CCDC136: variants seen among roughly 807,000 people sequenced by gnomAD.
CCDC136 encodes the protein coiled-coil domain containing 136, also known as coiled-coil domain-containing protein 136.
CCDC136 carries 100 observed loss-of-function variants against 141.2 expected under a neutral mutation model. That is an observed-to-expected ratio of 0.71 (90% CI 0.60 to 0.84). The LOEUF (loss-of-function observed/expected upper bound fraction) is 0.84. Ranked by LOEUF, CCDC136 falls within the 40% of genes least tolerant of loss-of-function variation. The pLI, the probability that CCDC136 is intolerant of heterozygous loss-of-function variation, is 0.00. For missense variants in CCDC136, 1,206 were observed against 1,379.4 expected (o/e 0.87, Z 1.99); for synonymous variants, 474 against 531.9 (o/e 0.89, Z 1.50).
chr7:128,798,778 C>CAG (rs1164191791), intron 3 of CCDC136, among the ~76,000 whole-genome samples: 1 of 152,080 alleles, frequency 6.6e-6, no homozygotes, highest in African/African-American at 2.4e-5. Context: ...AATAGGAAGT[C>CAG]AGAGAATCTA....
rs1172155816 is a variant in CCDC136, at chr7:128,821,875, G to A, written c.*82G>A. 2 of 1,289,976 alleles carry A rather than the reference G, an allele frequency of 1.6e-6. No homozygotes were observed. The highest frequency in any genetic ancestry group is 2.0e-6 in the Non-Finnish European group (2 of 988,940). 79.9% of individuals were successfully genotyped at this position (1,289,976 alleles called of 1,614,324 possible). A position where few individuals can be genotyped will look rare whatever the true frequency, so the allele number is the denominator to read the frequency against. On this transcript the variant is annotated 3_prime_UTR_variant, in exon 18 of 18. Coordinates refer to ENST00000297788, the MANE Select transcript of CCDC136 (RefSeq NM_022742.5). This position sits in a 1 kb window ranked among gnomAD's most constrained non-coding sequence, Gnocchi z 5.1. ...GCTCTGTATGTGTTACCCAACATGC[G>A]ACAGCAGGAGTCAGAGTTCTGCCTC... is the stretch of plus-strand genomic sequence containing the variant.
chr7:128,805,863 G>C lies in CCDC136; in HGVS notation c.1051G>C (p.Glu351Gln), dbSNP rs770292740. 6.2e-7 allele frequency: 1 copy of C among 1,613,970 alleles called. No individual in the cohort carries two copies. Reference sequence around the variant, plus strand: ...GAGGGAGCTCAAGTGTGCTCAGAATGAGGTGCTTCGGTTTCAGACCTCCCA... The same window carrying C: ...GAGGGAGCTCAAGTGTGCTCAGAATCAGGTGCTTCGGTTTCAGACCTCCCA... ...LQRELKCAQN[E>Q]VLRFQTSHSV... The change falls in exon 7 of 18, where the codon GAG becomes CAG. Residue 351 changes from glutamate (E) to glutamine (Q), a missense_variant. Physicochemically the swap from Glu to Gln is conservative, Grantham distance 29. Transcript: ENST00000297788. This position sits in a 1 kb window ranked among gnomAD's most constrained non-coding sequence, Gnocchi z 4.6.
At chr7:128,808,487 C>T (rs1277837342) in intron 10 of CCDC136, 5 of 985,098 alleles carry the variant, frequency 5.1e-6, no homozygotes, top group South Asian at 4.7e-5. Flanking sequence ...AAATGCAAGC[C>T]GTTATCATTT....
chr7:128,807,406 A>G lies in CCDC136; in HGVS notation c.1466A>G (p.Gln489Arg). The change falls in exon 10 of 18, where the codon CAG becomes CGG. Residue 489 changes from glutamine (Q) to arginine (R), a missense_variant. Transcript: ENST00000297788. ...CTTCAGGAGATGAAGCAGCTGTACCAGGCCAGCAAGGACGAGCTGGAGCGG... is the reference window on the plus strand; with the variant it reads ...CTTCAGGAGATGAAGCAGCTGTACCGGGCCAGCAAGGACGAGCTGGAGCGG... ...AQLQEMKQLY[Q>R]ASKDELERQK... 6.3e-7 allele frequency: 1 copy of G among 1,581,390 alleles called. No individual in the cohort carries two copies. Among genetic ancestry groups the G allele is most frequent in the Non-Finnish European group, 8.6e-7 (1 of 1,164,344 alleles).
At chr7:128,802,177 G>A (rs909646107) in intron 4 of CCDC136, among the ~76,000 whole-genome samples, 1 of 152,204 alleles carries the variant, frequency 6.6e-6, no homozygotes, top group Non-Finnish European at 1.5e-5. Context: ...TATTCTGAGT[G>A]ATACATGAGG....
Position 128,810,253 on chromosome 7 carries a change from C to G in CCDC136, c.1915C>G (p.Gln639Glu). 6.2e-7 allele frequency: 1 copy of G among 1,613,588 alleles called. No individual in the cohort carries two copies. Residue 639 changes from glutamine (Q) to glutamate (E), a missense_variant, in exon 12 of 18, where the codon CAA becomes GAA. Transcript: ENST00000297788. ...IQNQDCVLKE[Q>E]LEIHEELRRF... Reference sequence around the variant, plus strand: ...GAACCAAGACTGTGTATTAAAAGAACAATTAGAGATCCACGAAGAGCTGCG... The same window carrying G: ...GAACCAAGACTGTGTATTAAAAGAAGAATTAGAGATCCACGAAGAGCTGCG...
Position 128,794,137 on chromosome 7 carries a change from A to G in CCDC136, c.17-211A>G. ...TACCAAGTGCAACATTGGTCCAGGA[A>G]GGGCCTGGGAGGTGGAGGGGCTGCT... On this transcript the variant is annotated intron_variant, in intron 1 of 17. Transcript: ENST00000297788. This position sits in a 1 kb window ranked among gnomAD's most constrained non-coding sequence, Gnocchi z 4.3. The G allele has an allele frequency of 1.5e-6, 1 of 654,852 alleles. No homozygotes were observed. Among genetic ancestry groups the G allele is most frequent in the Non-Finnish European group, 2.8e-6 (1 of 362,756 alleles). The allele number at this position is 654,852 out of a possible 1,614,324, so 40.6% of individuals were successfully genotyped here.
intron 4 of CCDC136, among the ~76,000 whole-genome samples, chr7:128,801,975 G>C (rs929149795): frequency 6.6e-6 from 1 of 152,130 alleles, no homozygotes; most frequent in Non-Finnish European, 1.5e-5. Flanking sequence ...TGGGCAAAGA[G>C]GGACCTGTCA....
chr7:128,816,237 C>T (rs949539847), intron 16 of CCDC136, among the ~76,000 whole-genome samples: 9 of 152,192 alleles, frequency 5.9e-5, no homozygotes, highest in Non-Finnish European at 8.8e-5. Context: ...TTCCTTATGT[C>T]GGGAGTGTTC....
In CCDC136 at chr7:128,805,409, C is replaced by A; in HGVS notation, c.833C>A (p.Thr278Lys). ...RWLQSQTLSM[T>K]SAESQTSEMD... Reference sequence around the variant, plus strand: ...CTGCAGTCCCAAACACTGAGTATGACGTCAGCAGAGTCTCAGACTTCAGAA... The same window carrying A: ...CTGCAGTCCCAAACACTGAGTATGAAGTCAGCAGAGTCTCAGACTTCAGAA... The change falls in exon 6 of 18, where the codon ACG becomes AAG. Residue 278 changes from threonine (T) to lysine (K), a missense_variant. Coordinates refer to ENST00000297788, the MANE Select transcript of CCDC136 (RefSeq NM_022742.5). The surrounding 1 kb of genome is among the most constrained non-coding windows in gnomAD (Gnocchi z 4.6). 1 of 1,613,876 alleles carries A rather than the reference C, an allele frequency of 6.2e-7. No homozygotes were observed. The highest frequency in any genetic ancestry group is 8.5e-7 in the Non-Finnish European group (1 of 1,179,804).
rs370930729 is a variant in CCDC136, at chr7:128,799,466, T to G, written c.347-1720T>G. ...CTTATGCATGAATACATCAAATATC[T>G]ATTGAGCTTCGTTTTCAGGCACAAT... On this transcript the variant is annotated intron_variant, in intron 3 of 17. Coordinates refer to ENST00000297788, the MANE Select transcript of CCDC136 (RefSeq NM_022742.5). Among the ~76,000 whole-genome samples the G allele has an allele frequency of 2.0e-5, 3 of 151,886 alleles. No homozygotes were observed. The East Asian group carries it at 5.8e-4, about 29-fold the overall frequency.
upstream of CCDC136, chr7:128,791,356 G>A (rs558183401): frequency 8.3e-6 from 4 of 483,114 alleles, no homozygotes; most frequent in East Asian, 1.2e-4. The surrounding 1 kb of genome is among the most constrained non-coding windows in gnomAD (Gnocchi z 7.1). Context: ...GCGAGCGGCG[G>A]GGGGCGGTGT....
rs758017613 is a variant in CCDC136 at position 128,810,330 on chromosome 7, C to G, written c.1992C>G (p.Ser664=). The G allele has an allele frequency of 1.9e-5, 30 of 1,613,650 alleles. No homozygotes were observed. Among genetic ancestry groups the G allele is most frequent in the Non-Finnish European group, 2.5e-5 (30 of 1,179,794 alleles). Residue 664 remains serine, a synonymous_variant, in exon 12 of 18, where the codon TCC becomes TCG. Coordinates refer to ENST00000297788, the MANE Select transcript of CCDC136 (RefSeq NM_022742.5). ...AAGTGTTGGAGAATCCCGATGATTCCAAATTGGCTAAGTCCTCCAAATGTA... is the reference window on the plus strand; with the variant it reads ...AAGTGTTGGAGAATCCCGATGATTCGAAATTGGCTAAGTCCTCCAAATGTA... The part of the protein sequence containing the change: ...FQEVLENPDD[S]KLAKSSKCNR...
At chr7:128,796,739 A>ATATATATTTTTTTTTT in intron 3 of CCDC136, among the ~76,000 whole-genome samples, 5 of 113,380 alleles carry the variant, frequency 4.4e-5, no homozygotes, top group African/African-American at 9.2e-5. Context: ...ATATATATAT[A>ATATATATTTTTTTTTT]TTCTTTTTTT....
chr7:128,794,788 C>T lies in CCDC136; in HGVS notation c.346+20C>T. On this transcript the variant is annotated intron_variant, in intron 3 of 17. Transcript: ENST00000297788. The surrounding 1 kb of genome is among the most constrained non-coding windows in gnomAD (Gnocchi z 4.3). ...TCCAAGGTAATTCCCAGGACTTGGA[C>T]TGGAGGGAGGTGGCCATCCAAGTGG... is the stretch of plus-strand genomic sequence containing the variant. The T allele has an allele frequency of 6.5e-7, 1 of 1,547,296 alleles. No homozygotes were observed. Among genetic ancestry groups the T allele is most frequent in the Non-Finnish European group, 8.7e-7 (1 of 1,143,116 alleles).
intron 4 of CCDC136, 124 bp from the exon 5 acceptor site, chr7:128,804,526 G>T: frequency 3.1e-6 from 2 of 641,612 alleles, no homozygotes; most frequent in Admixed American, 2.7e-5. Context: ...CCTTTTTTCT[G>T]TCTTTAGAAA....
intron 3 of CCDC136, among the ~76,000 whole-genome samples, chr7:128,798,216 C>T (rs1240999273): frequency 1.1e-5 from 1 of 87,198 alleles, no homozygotes; most frequent in African/African-American, 4.5e-5. Context: ...CGCGCCCGGC[C>T]GAAAATAGGG....
chr7:128,807,822 A>G (rs1272795438), intron 10 of CCDC136: 1 of 221,626 alleles, frequency 4.5e-6, no homozygotes, highest in East Asian at 9.1e-5. Flanking sequence ...ATACAATGGT[A>G]TTAGAACTGT....
intron 4 of CCDC136, among the ~76,000 whole-genome samples, chr7:128,802,913 T>C (rs1325638439): frequency 2.0e-5 from 3 of 152,256 alleles, no homozygotes; most frequent in Non-Finnish European, 4.4e-5. Context: ...CTTGCACACT[T>C]ACCAAATCTG....
Sources: allele counts gnomAD v4.1 joint callset (sites outside exome capture counted in the v4.1 genomes callset), GRCh38; gene constraint gnomAD v4.1.1; non-coding constraint Gnocchi (gnomAD v3.1); transcripts MANE v1.5; gene names NCBI Gene and HGNC (gene_info 2026-07-23, HGNC 2026-07-21).